Variants in SPATA18 observed in about 807,000 individuals in gnomAD.
SPATA18 encodes the protein spermatogenesis associated 18.
In SPATA18, 54 loss-of-function variants were observed where a neutral mutation model predicts 68.1. The ratio of observed to expected loss-of-function variants is 0.79; its 90% CI spans 0.64 to 0.99. SPATA18 has a LOEUF of 0.99. Among genes scored for constraint, SPATA18 ranks in the 50% least tolerant of loss-of-function variants. The pLI, the probability that SPATA18 is intolerant of heterozygous loss-of-function variation, is 0.00. For missense variants in SPATA18, 724 were observed against 681.1 expected (o/e 1.06, Z -0.70); for synonymous variants, 242 against 244.8 (o/e 0.99, Z 0.11).
intron 6 of SPATA18, among the ~76,000 whole-genome samples, 198 bp from the exon 7 acceptor site, chr4:52,076,581 A>C (rs1293605566): frequency 6.6e-6 from 1 of 152,162 alleles, no homozygotes; most frequent in Non-Finnish European, 1.5e-5. Context: ...TAGAAATTCT[A>C]GTTGCTTATA....
chr4:52,060,291 C>A, intron 1 of SPATA18, 128 bp from the exon 2 acceptor site: 1 of 666,728 alleles, frequency 1.5e-6, no homozygotes, highest in Non-Finnish European at 2.6e-6. Context: ...TTGGTGACTA[C>A]ACAGCAGTCC....
At chr4:52,058,461 C>T (rs1738542251) in intron 1 of SPATA18, among the ~76,000 whole-genome samples, 1 of 152,166 alleles carries the variant, frequency 6.6e-6, no homozygotes, top group South Asian at 2.1e-4. Context: ...ATGCCAGGTG[C>T]GAAAGGCTCT....
chr4:52,060,593 G>A (rs1247560475), intron 2 of SPATA18, 69 bp downstream of exon 2: 1 of 1,466,116 alleles, frequency 6.8e-7, no homozygotes, highest in East Asian at 2.3e-5. Flanking sequence ...GCTTTTTTGT[G>A]TTCTTTGACT....
At chr4:52,070,108 G>A (rs998275802) in intron 5 of SPATA18, among the ~76,000 whole-genome samples, 192 bp downstream of exon 5, 3 of 151,096 alleles carry the variant, frequency 2.0e-5, no homozygotes, top group East Asian at 1.9e-4. Flanking sequence ...AAAGTACAAC[G>A]TAGTATAAAG....
chr4:52,066,624 A>G (rs772622395), intron 4 of SPATA18, among the ~76,000 whole-genome samples: 3 of 152,122 alleles, frequency 2.0e-5, no homozygotes, highest in Non-Finnish European at 4.4e-5. Context: ...TAAGCCCCAC[A>G]TGCATTAGCT....
At chr4:52,070,572 A>G (rs1418900512) in intron 5 of SPATA18, among the ~76,000 whole-genome samples, 1 of 151,998 alleles carries the variant, frequency 6.6e-6, no homozygotes, top group Non-Finnish European at 1.5e-5. Context: ...ATTAGGAGAT[A>G]TACCTAATGC....
At chr4:52,072,249 A>G in intron 6 of SPATA18, 93 bp downstream of exon 6, 2 of 1,524,474 alleles carry the variant, frequency 1.3e-6, no homozygotes, top group South Asian at 2.7e-5. Flanking sequence ...ATAAAATGAT[A>G]CCCTGAACCA....
intron 6 of SPATA18, among the ~76,000 whole-genome samples, chr4:52,074,684 G>A (rs17611896): frequency 6.6e-6 from 1 of 152,068 alleles, no homozygotes; most frequent in Non-Finnish European, 1.5e-5. Context: ...GCCTCAAATG[G>A]GTTAATGTTA....
At position 52,060,534 on chromosome 4, in the gene SPATA18, GC is replaced by G; in HGVS notation, c.193+12del. Reference sequence around the variant, plus strand: ...GCAGCAGCCCAAGAAGGTGAGAATGGCCTGTAATTTCCCATCCAGTTCTGCT... The same window carrying G: ...GCAGCAGCCCAAGAAGGTGAGAATGGCTGTAATTTCCCATCCAGTTCTGCT... On this transcript the variant is annotated intron_variant, in intron 2 of 12. Transcript: ENST00000295213. The G allele has an allele frequency of 1.9e-6, 3 of 1,610,924 alleles. No individual in the cohort carries two copies. The highest frequency in any genetic ancestry group is 2.2e-5 in the South Asian group (2 of 90,908).
intron 9 of SPATA18, 149 bp downstream of exon 9, chr4:52,080,068 C>T: frequency 6.2e-6 from 5 of 806,178 alleles, no homozygotes; most frequent in Non-Finnish European, 7.6e-6. Flanking sequence ...CTTCTCTGTA[C>T]TCCAGGGCAG....
intron 6 of SPATA18, among the ~76,000 whole-genome samples, chr4:52,075,340 A>G (rs1010265912): frequency 2.6e-5 from 4 of 152,102 alleles, no homozygotes; most frequent in African/African-American, 9.7e-5. Flanking sequence ...TCACCGTGTA[A>G]TTAGTGTGGT....
At chr4:52,051,917 C>A (rs1270912234) in intron 1 of SPATA18, 126 bp downstream of exon 1, 2 of 818,912 alleles carry the variant, frequency 2.4e-6, no homozygotes, top group Non-Finnish European at 4.1e-6. Context: ...CGATTCCTAA[C>A]CAGGATCTCA....
chr4:52,054,095 T>A (rs1419500897), intron 1 of SPATA18, among the ~76,000 whole-genome samples: 1 of 152,250 alleles, frequency 6.6e-6, no homozygotes, highest in East Asian at 1.9e-4. Flanking sequence ...ACAGGTTCTA[T>A]ATCTGCATTG....
At chr4:52,094,661 G>A in intron 12 of SPATA18, 89 bp downstream of exon 12, 1 of 1,402,962 alleles carries the variant, frequency 7.1e-7, no homozygotes, top group Non-Finnish European at 1.0e-6. Context: ...TGAATGCTTT[G>A]CTTCCTAGAG....
intron 10 of SPATA18, among the ~76,000 whole-genome samples, chr4:52,084,522 A>G (rs575270576): frequency 6.6e-6 from 1 of 152,312 alleles, no homozygotes; most frequent in South Asian, 2.1e-4. Flanking sequence ...ATAGTTATTT[A>G]TGACCCAAAC....
chr4:52,077,340 T>C (rs2109481979), intron 7 of SPATA18, among the ~76,000 whole-genome samples: 1 of 134,678 alleles, frequency 7.4e-6, no homozygotes, highest in East Asian at 2.3e-4. Context: ...CTCCCTTCCT[T>C]TCTCTTTCCC....
At chr4:52,054,842 G>A (rs1436482279) in intron 1 of SPATA18, among the ~76,000 whole-genome samples, 10 of 150,546 alleles carry the variant, frequency 6.6e-5, no homozygotes, top group Admixed American at 4.0e-4. Context: ...TGTTTATCTC[G>A]AGGCCAGTAC....
intron 1 of SPATA18, among the ~76,000 whole-genome samples, chr4:52,055,689 C>G (rs1232282853): frequency 6.6e-6 from 1 of 152,178 alleles, no homozygotes; most frequent in Non-Finnish European, 1.5e-5. Context: ...GACCAGGCCC[C>G]ACGCGAGAGC....
intron 11 of SPATA18, among the ~76,000 whole-genome samples, chr4:52,085,306 T>G (rs993443984): frequency 1.3e-5 from 2 of 152,144 alleles, no homozygotes; most frequent in African/African-American, 4.8e-5. Flanking sequence ...GAAGAGTGAA[T>G]GGGATACCAT....
Sources: allele counts gnomAD v4.1 joint callset (sites outside exome capture counted in the v4.1 genomes callset), GRCh38; gene constraint gnomAD v4.1.1; transcripts MANE v1.5; gene names NCBI Gene and HGNC (gene_info 2026-07-23, HGNC 2026-07-21).